DTNB: variants seen among roughly 807,000 people sequenced by gnomAD.
DTNB encodes dystrobrevin beta.
DTNB carries 63 observed loss-of-function variants against 90.7 expected under a neutral mutation model. The ratio of observed to expected loss-of-function variants is 0.69; its 90% CI spans 0.57 to 0.86. The LOEUF (loss-of-function observed/expected upper bound fraction) is 0.86. DTNB is among the 40% of genes least tolerant of loss of function. The pLI, the probability that DTNB is intolerant of heterozygous loss-of-function variation, is 0.00. For synonymous variants in DTNB, 277 were observed against 286.7 expected (o/e 0.97, Z 0.34); for missense variants, 744 against 807.1 (o/e 0.92, Z 0.95).
intron 1 of DTNB, among the ~76,000 whole-genome samples, chr2:25,666,656 AT>A (rs907996063): frequency 8.6e-5 from 13 of 152,036 alleles, no homozygotes; most frequent in African/African-American, 2.9e-4. Context: ...TTTTTTAACA[AT>A]TTTTTTTAAT....
intron 19 of DTNB, among the ~76,000 whole-genome samples, chr2:25,382,395 G>A (rs563209190): frequency 7.4e-4 from 112 of 152,108 alleles, no homozygotes; most frequent in African/African-American, 2.7e-3. Context: ...ACACATTAAT[G>A]CACAACAGAA....
intron 5 of DTNB, among the ~76,000 whole-genome samples, chr2:25,605,131 T>C (rs115089459): frequency 7.5e-4 from 115 of 152,326 alleles, no homozygotes; most frequent in African/African-American, 2.5e-3. Context: ...ATGTTGAACA[T>C]CTCAAGCCCA....
Position 25,449,036 on chromosome 2 carries a change from T to A in DTNB, c.1257+2512A>T, listed in dbSNP as rs72851406. 9.2e-3 allele frequency among the ~76,000 whole-genome samples: 1,394 copies of A among 152,290 alleles called. 21 individuals carry two copies. The highest frequency in any genetic ancestry group is 0.032 in the African/African-American group (1,318 of 41,554). ...TCTGATTATGATTAGGAGTTGATGA[T>A]TAACTTATGGCAAAGGATAAGTTAG... On this transcript the variant is annotated intron_variant, in intron 12 of 20. Coordinates refer to ENST00000406818, the MANE Select transcript of DTNB (RefSeq NM_021907.5).
intron 9 of DTNB, among the ~76,000 whole-genome samples, chr2:25,500,166 G>A (rs921958394): frequency 2.0e-5 from 3 of 152,132 alleles, no homozygotes; most frequent in Non-Finnish European, 2.9e-5. Flanking sequence ...CTCCCAAAGT[G>A]CTGGTACTAC....
At chr2:25,554,576 G>A (rs756992119) in intron 8 of DTNB, among the ~76,000 whole-genome samples, 92 of 152,062 alleles carry the variant, frequency 6.1e-4, no homozygotes, top group Non-Finnish European at 1.0e-3. Context: ...CTAAAAACAA[G>A]AGAAACTCTC....
At chr2:25,396,569 GA>G (rs2042415607) in intron 16 of DTNB, among the ~76,000 whole-genome samples, 1 of 151,400 alleles carries the variant, frequency 6.6e-6, no homozygotes, top group African/African-American at 2.4e-5. Flanking sequence ...GAAAGGGTGG[GA>G]GGGGGGTGAG....
chr2:25,670,877 G>A (rs985136793), intron 1 of DTNB, among the ~76,000 whole-genome samples: 11 of 152,152 alleles, frequency 7.2e-5, no homozygotes, highest in African/African-American at 2.7e-4. Flanking sequence ...ATAGCGTGAC[G>A]AAATTTTGTG....
chr2:25,441,143 T>C (rs2057291076), intron 12 of DTNB, among the ~76,000 whole-genome samples: 2 of 152,222 alleles, frequency 1.3e-5, no homozygotes, highest in African/African-American at 4.8e-5. Context: ...ACCCGATTCT[T>C]TGAACGTTTT....
chr2:25,390,638 G>A (rs901478531), intron 16 of DTNB, among the ~76,000 whole-genome samples: 8 of 151,714 alleles, frequency 5.3e-5, no homozygotes, highest in African/African-American at 1.7e-4. Context: ...GTAGAGATGG[G>A]GTTTCGCCAT....
chr2:25,420,435 G>A (rs1291930021), intron 15 of DTNB, among the ~76,000 whole-genome samples: 1 of 151,748 alleles, frequency 6.6e-6, no homozygotes, highest in South Asian at 2.1e-4. Context: ...GAAAGCACTG[G>A]AAACAAAGAA....
At chr2:25,643,391 T>G (rs1458573423) in intron 2 of DTNB, among the ~76,000 whole-genome samples, 4 of 152,246 alleles carry the variant, frequency 2.6e-5, no homozygotes, top group Admixed American at 6.5e-5. Context: ...GACCATTTGT[T>G]GTTGTTTCTG....
chr2:25,454,439 G>T (rs1223021839), intron 11 of DTNB, among the ~76,000 whole-genome samples: 1 of 152,176 alleles, frequency 6.6e-6, no homozygotes, highest in African/African-American at 2.4e-5. Flanking sequence ...TATGTGTACA[G>T]CTTATAAATT....
intron 10 of DTNB, among the ~76,000 whole-genome samples, chr2:25,465,774 A>T (rs2061670318): frequency 6.6e-6 from 1 of 152,124 alleles, no homozygotes; most frequent in Non-Finnish European, 1.5e-5. Context: ...TCCTTCCCTG[A>T]TCATCCAATC....
intron 10 of DTNB, among the ~76,000 whole-genome samples, chr2:25,477,724 G>T (rs983689124): frequency 6.6e-6 from 1 of 152,158 alleles, no homozygotes; most frequent in Non-Finnish European, 1.5e-5. Context: ...AAGGAGGTGT[G>T]ATATAATACA....
chr2:25,632,038 T>C (rs981610102), intron 3 of DTNB, among the ~76,000 whole-genome samples: 1 of 151,646 alleles, frequency 6.6e-6, no homozygotes, highest in Non-Finnish European at 1.5e-5. Context: ...CTACTAAAAA[T>C]ACAAAAATTA....
intron 12 of DTNB, among the ~76,000 whole-genome samples, chr2:25,450,440 A>T (rs1278285877): frequency 6.6e-6 from 1 of 152,000 alleles, no homozygotes; most frequent in East Asian, 1.9e-4. Flanking sequence ...TACTTTCTTG[A>T]TTACTATAGC....
chr2:25,421,218 G>C (rs1281157776), intron 15 of DTNB: 1 of 152,260 alleles, frequency 6.6e-6, no homozygotes, highest in African/African-American at 2.4e-5. Context: ...TTACGAAAGG[G>C]AGAGGGTGAG....
chr2:25,656,827 A>G (rs1017950317), intron 1 of DTNB, among the ~76,000 whole-genome samples: 2 of 152,220 alleles, frequency 1.3e-5, no homozygotes, highest in Non-Finnish European at 2.9e-5. Context: ...TTCAGTCTAT[A>G]AAGACCAGGG....
At position 25,490,732 on chromosome 2, in the gene DTNB, A is replaced by G. The variant is rs116926063; in HGVS notation, c.1002-7859T>C. 2.0e-3 allele frequency among the ~76,000 whole-genome samples: 306 copies of G among 152,328 alleles called. 6 individuals carry two copies. The East Asian group carries it at 0.047, about 23-fold the overall frequency. On this transcript the variant is annotated intron_variant, in intron 9 of 20. Coordinates refer to ENST00000406818, the MANE Select transcript of DTNB (RefSeq NM_021907.5). Reference sequence around the variant, plus strand: ...TTACTTGGAAAAATGCTCAGCATATAGAAGATAACAAAGAAGGGCAAGATG... The same window carrying G: ...TTACTTGGAAAAATGCTCAGCATATGGAAGATAACAAAGAAGGGCAAGATG...
Sources: gnomAD v4.1 joint callset for allele counts (sites outside exome capture counted in the v4.1 genomes callset) on GRCh38, gnomAD v4.1.1 for gene constraint, MANE v1.5 for transcripts, NCBI Gene and HGNC (gene_info 2026-07-23, HGNC 2026-07-21) for gene names.